EPHA10: variants seen among roughly 807,000 people sequenced by gnomAD.
EPHA10 encodes ephrin type-A receptor 10.
EPHA10 carries 120 observed loss-of-function variants against 109.7 expected under a neutral mutation model. That is an observed-to-expected ratio of 1.09 (90% CI 0.94 to 1.27). The LOEUF is 1.27. Ranked by LOEUF, EPHA10 falls within the 50% of genes most tolerant of loss-of-function variation. The pLI is 0.00. For synonymous variants in EPHA10, 640 were observed against 618.9 expected (o/e 1.03, Z -0.51); for missense variants, 1,396 against 1,411.1 (o/e 0.99, Z 0.17).
intron 7 of EPHA10, 74 bp from the exon 8 acceptor site, chr1:37,727,284 C>T (rs1326059557): frequency 1.3e-5 from 16 of 1,222,094 alleles, no homozygotes; most frequent in Non-Finnish European, 1.8e-5. Flanking sequence ...AGACTCCTGT[C>T]CTCACCCTGT....
intron 9 of EPHA10, 69 bp from the exon 10 acceptor site, chr1:37,723,235 A>C (rs1019887768): frequency 1.1e-5 from 18 of 1,606,204 alleles, no homozygotes; most frequent in Non-Finnish European, 1.5e-5. Context: ...GGGCTCATGC[A>C]GTGTAGCAAG....
intron 6 of EPHA10, among the ~76,000 whole-genome samples, chr1:37,732,863 CTTTTTTTTTTTTTTTTTTTTTTT>C (rs56226051): frequency 2.0e-3 from 51 of 25,042 alleles, no homozygotes; most frequent in South Asian, 5.3e-3. Context: ...TATACTTGTT[CTTTTTTTTTTTTTTTTTTTTTTT>C]TTTTTTTTTT....
Position 37,731,499 on chromosome 1 carries a change from G to T in EPHA10, c.1575C>A (p.Tyr525Ter). Residue 525 changes from tyrosine to a stop codon, truncating the protein, a stop_gained, in exon 7 of 17, where the codon TAC (tyrosine) becomes TAA (stop). Transcript: ENST00000373048. LOFTEE classifies it high-confidence loss of function. Reference protein sequence around the residue: ...TVTNLKPATRYVFQIRAASPG... With the variant: ...TVTNLKPATR ...GGGAAGCGGCCCGGATCTGAAAGAC[G>T]TAGCGGGTAGCCGGCTTCAGGTTGG... 4 of 1,614,126 alleles carry T rather than the reference G, an allele frequency of 2.5e-6. No homozygotes were observed. Among genetic ancestry groups the T allele is most frequent in the Non-Finnish European group, 3.4e-6 (4 of 1,179,992 alleles).
chr1:37,736,230 T>C (rs1367431380), intron 5 of EPHA10, among the ~76,000 whole-genome samples: 1 of 151,964 alleles, frequency 6.6e-6, no homozygotes, highest in South Asian at 2.1e-4. Flanking sequence ...GGTGGATCAC[T>C]TGACGTCAGG....
rs1240213867 is a variant in EPHA10 at position 37,755,755 on chromosome 1, C to A, written c.851-1385G>T. On this transcript the variant is annotated intron_variant, in intron 3 of 16. Coordinates refer to ENST00000373048, the MANE Select transcript of EPHA10 (RefSeq NM_001099439.2). ...GATAGTAATTACTGTTCCTCCCCCA[C>A]AGGCCTTAAGTGGTAACTGCTAAAC... 2.6e-5 allele frequency among the ~76,000 whole-genome samples: 4 copies of A among 152,270 alleles called. No individual in the cohort carries two copies. In the East Asian group the frequency reaches 7.7e-4, roughly 29 times the overall value.
chr1:37,737,360 C>A (rs1163849740), intron 5 of EPHA10, among the ~76,000 whole-genome samples: 1 of 152,150 alleles, frequency 6.6e-6, no homozygotes, highest in East Asian at 1.9e-4. Flanking sequence ...CACTTCCTTA[C>A]TTCAAAACAT....
chr1:37,745,452 C>G (rs1486791356), intron 5 of EPHA10, among the ~76,000 whole-genome samples: 1 of 152,138 alleles, frequency 6.6e-6, no homozygotes, highest in Non-Finnish European at 1.5e-5. Context: ...AATGGTAGAG[C>G]TGCTTTGAAA....
rs111733664 is a variant in EPHA10 at position 37,761,085 on chromosome 1, ATT to A, written c.850+318_850+319del. 93 of 739,906 alleles carry A rather than the reference ATT, an allele frequency of 1.3e-4. 1 individual carries two copies. Among genetic ancestry groups the A allele is most frequent in the East Asian group, 3.2e-4 (6 of 19,038 alleles). 45.8% of individuals were successfully genotyped at this position (739,906 alleles called of 1,614,324 possible). ...GGCAACAGAGCAAGAGAGACTCCTT[ATT>A]TTAAAAAAAAAAAAAAACAATGACT... On this transcript the variant is annotated intron_variant, in intron 3 of 16. Transcript: ENST00000373048.
chr1:37,735,306 C>G lies in EPHA10; in HGVS notation c.1442G>C (p.Gly481Ala). Residue 481 changes from glycine (G) to alanine (A), a missense_variant, in exon 6 of 17, where the codon GGA (glycine) becomes GCA (alanine). Coordinates refer to ENST00000373048, the MANE Select transcript of EPHA10 (RefSeq NM_001099439.2). The stretch of plus-strand genomic sequence containing the variant: ...CTCCGTGTCATTGGCCCCAGGGGCT[C>G]CGGCAGGGATGGGCTCCCGCCACGA... ...SLSWREPIPA[G>A]APGANDTEYE... The G allele has an allele frequency of 2.6e-6, 4 of 1,560,998 alleles. No individual in the cohort carries two copies. Among genetic ancestry groups the G allele is most frequent in the Non-Finnish European group, 3.5e-6 (4 of 1,152,396 alleles).
chr1:37,721,525 AG>A, intron 11 of EPHA10, 134 bp downstream of exon 11: 1 of 890,894 alleles, frequency 1.1e-6, no homozygotes, highest in Non-Finnish European at 1.6e-6. Context: ...GTGAAAGCTG[AG>A]GTCCCTGGCT....
chr1:37,714,578 T>G (rs1228125980), downstream of EPHA10, among the ~76,000 whole-genome samples: 3 of 152,196 alleles, frequency 2.0e-5, no homozygotes, highest in African/African-American at 4.8e-5. Flanking sequence ...GCCTCTATGT[T>G]GAAGTCCTAA....
chr1:37,720,233 T>C (rs1470672438), intron 13 of EPHA10, 118 bp downstream of exon 13: 1 of 1,406,838 alleles, frequency 7.1e-7, no homozygotes, highest in Non-Finnish European at 9.5e-7. Context: ...CTCGCATTTA[T>C]GCCAAGACCA....
At chr1:37,728,348 C>T (rs1007584213) in intron 7 of EPHA10, among the ~76,000 whole-genome samples, 3 of 152,002 alleles carry the variant, frequency 2.0e-5, no homozygotes, top group Non-Finnish European at 4.4e-5. Context: ...GGAGAGAGTT[C>T]CTGCCTAAGA....
intron 8 of EPHA10, among the ~76,000 whole-genome samples, chr1:37,725,177 G>A (rs530291733): frequency 6.6e-6 from 1 of 152,214 alleles, no homozygotes; most frequent in East Asian, 1.9e-4. Context: ...TGCAAAGACA[G>A]GGTGTCTGCA....
rs1569626890 is a variant in EPHA10, at chr1:37,720,908, T to C, written c.2147-64A>G. ...ACTCCACTCCGCACGCACACAAGTT[T>C]CCCCCCCAGGGTCCCAGACTGGGCC... On this transcript the variant is annotated intron_variant, in intron 11 of 16. Transcript: ENST00000373048. 54 of 1,555,148 alleles carry C rather than the reference T, an allele frequency of 3.5e-5. No individual in the cohort carries two copies. The East Asian group carries it at 1.1e-3, about 32-fold the overall frequency.
At chr1:37,737,932 CTTTTTTTTTTTTTTTTT>C (rs59082119) in intron 5 of EPHA10, 1 of 61,458 alleles carries the variant, frequency 1.6e-5, no homozygotes, top group Non-Finnish European at 3.0e-5. Context: ...TAACTGTAGG[CTTTTTTTTTTTTTTTTT>C]TTTTTTTTTT....
At chr1:37,737,131 T>TA (rs1646083021) in intron 5 of EPHA10, among the ~76,000 whole-genome samples, 2 of 152,132 alleles carry the variant, frequency 1.3e-5, no homozygotes, top group Admixed American at 1.3e-4. Flanking sequence ...GGACCATGAA[T>TA]AGTCAACACA....
At chr1:37,756,844 G>A (rs1030382182) in intron 3 of EPHA10, among the ~76,000 whole-genome samples, 14 of 152,238 alleles carry the variant, frequency 9.2e-5, no homozygotes, top group African/African-American at 3.1e-4. Flanking sequence ...TTGTTTCTTT[G>A]TGACAGGGTC....
chr1:37,761,167 A>T, intron 3 of EPHA10: 1 of 1,429,094 alleles, frequency 7.0e-7, no homozygotes, highest in Non-Finnish European at 9.1e-7. Context: ...GGTGCCTAAG[A>T]TATAGATCCC....
Sources: allele counts gnomAD v4.1 joint callset (sites outside exome capture counted in the v4.1 genomes callset), GRCh38; gene constraint gnomAD v4.1.1; transcripts MANE v1.5; gene names NCBI Gene and HGNC (gene_info 2026-07-23, HGNC 2026-07-21).